RHOU: variants seen among roughly 807,000 people sequenced by gnomAD.
The protein encoded by RHOU is ras homolog family member U.
In RHOU, 8 loss-of-function variants were observed where a neutral mutation model predicts 12.6. The ratio of observed to expected loss-of-function variants is 0.64; its 90% CI spans 0.37 to 1.15. The LOEUF (loss-of-function observed/expected upper bound fraction) is 1.15. Ranked by LOEUF, RHOU falls within the 50% of genes most tolerant of loss-of-function variation. The pLI is 0.01. For synonymous variants in RHOU, 161 were observed against 147.4 expected (o/e 1.09, Z -0.67); for missense variants, 258 against 347.0 (o/e 0.74, Z 2.04).
In RHOU at chr1:228,746,031, T is replaced by G. The variant is rs946599158; in HGVS notation, c.*2291T>G. The stretch of plus-strand genomic sequence containing the variant: ...ACCTGTGTGGCCCAGTTCTGAAAGC[T>G]TTATACAGTTGAATTTTAAGTGGGG... On this transcript the variant is annotated 3_prime_UTR_variant, in exon 3 of 3. Coordinates refer to ENST00000366691, the MANE Select transcript of RHOU (RefSeq NM_021205.6). The G allele has an allele frequency of 2.0e-5, 3 of 152,244 alleles. No homozygotes were observed. Among genetic ancestry groups the G allele is most frequent in the Non-Finnish European group, 4.4e-5 (3 of 68,038 alleles). 9.4% of individuals were successfully genotyped at this position (152,244 alleles called of 1,614,324 possible). A position where few individuals can be genotyped will look rare whatever the true frequency, so the allele number is the denominator to read the frequency against.
chr1:228,706,520 T>C, the RHOU span, among the ~76,000 whole-genome samples: 7 of 152,218 alleles, frequency 4.6e-5, no homozygotes, highest in East Asian at 1.2e-3. Context: ...AACTCAGTGA[T>C]TGGTACAAGG....
the RHOU span, among the ~76,000 whole-genome samples, chr1:228,724,431 T>C: frequency 6.6e-6 from 1 of 152,222 alleles, no homozygotes; most frequent in African/African-American, 2.4e-5. Flanking sequence ...ACAATCATTA[T>C]TGTCAAGCTA....
chr1:228,731,942 G>A (rs1343829944), upstream of RHOU, among the ~76,000 whole-genome samples: 4 of 152,190 alleles, frequency 2.6e-5, no homozygotes, highest in Admixed American at 6.5e-5. Flanking sequence ...AATACATGAG[G>A]TGTAATGCAT....
chr1:228,741,852 A>G (rs1364778116), intron 2 of RHOU, among the ~76,000 whole-genome samples: 1 of 152,216 alleles, frequency 6.6e-6, no homozygotes, highest in Non-Finnish European at 1.5e-5. Context: ...CTCACAAGTG[A>G]CATTCTGAAA....
At chr1:228,742,905 A>G (rs1004832321) in intron 2 of RHOU, among the ~76,000 whole-genome samples, 1 of 152,198 alleles carries the variant, frequency 6.6e-6, no homozygotes, top group Admixed American at 6.5e-5. Context: ...AAGAGTAGCT[A>G]AGTACCAAGA....
chr1:228,662,116 A>G, the RHOU span, among the ~76,000 whole-genome samples: 1 of 152,256 alleles, frequency 6.6e-6, no homozygotes, highest in African/African-American at 2.4e-5. Flanking sequence ...AATGCAAATC[A>G]AAACCACAAT....
At chr1:228,735,451 T>G, upstream of RHOU, 2 of 206,602 alleles carry the variant, frequency 9.7e-6, no homozygotes, top group Non-Finnish European at 1.9e-5. This position sits in a 1 kb window ranked among gnomAD's most constrained non-coding sequence, Gnocchi z 8.1. Context: ...CCCCCACGCG[T>G]CGTGTCGCCG....
Position 228,743,220 on chromosome 1 carries a change from A to T in RHOU, c.322-65A>T. 4 of 1,411,380 alleles carry T rather than the reference A, an allele frequency of 2.8e-6. No homozygotes were observed. Among genetic ancestry groups the T allele is most frequent in the Non-Finnish European group, 4.0e-6 (4 of 1,005,584 alleles). The allele number at this position is 1,411,380 out of a possible 1,614,324, so 87.4% of individuals were successfully genotyped here. On this transcript the variant is annotated intron_variant, in intron 2 of 2. Coordinates refer to ENST00000366691, the MANE Select transcript of RHOU (RefSeq NM_021205.6). This position sits in a 1 kb window ranked among gnomAD's most constrained non-coding sequence, Gnocchi z 5.1. ...CCAGACCCTTTCATGAAAAATGTGA[A>T]GGTGATCTTTTTACTGATGAGAATT...
chr1:228,660,948 A>G, the RHOU span, among the ~76,000 whole-genome samples: 1 of 151,856 alleles, frequency 6.6e-6, no homozygotes, highest in East Asian at 1.9e-4. Flanking sequence ...AAAAAAAAAA[A>G]AAAAATCTCC....
At chr1:228,647,845 G>A in the RHOU span, 3 of 152,318 alleles carry the variant, frequency 2.0e-5, no homozygotes, top group Admixed American at 1.3e-4. Flanking sequence ...AGAGGGAGCA[G>A]ATTTACGGTG....
At chr1:228,678,532 A>C in the RHOU span, among the ~76,000 whole-genome samples, 136 of 152,224 alleles carry the variant, frequency 8.9e-4, no homozygotes, top group Middle Eastern at 0.01. Context: ...CTTCCTTTGG[A>C]AGTAAAGCGG....
chr1:228,707,447 G>A, the RHOU span, among the ~76,000 whole-genome samples: 5 of 151,036 alleles, frequency 3.3e-5, no homozygotes, highest in South Asian at 2.1e-4. Flanking sequence ...CTCCCAGCAC[G>A]CAGCTGGAGA....
At chr1:228,657,532 G>T in the RHOU span, among the ~76,000 whole-genome samples, 1 of 152,006 alleles carries the variant, frequency 6.6e-6, no homozygotes, top group African/African-American at 2.4e-5. Context: ...AATATATGAC[G>T]CAAAACCTGA....
In RHOU at chr1:228,743,315, T is replaced by TACACC. The variant is rs767609283; in HGVS notation, c.354_358dup (p.Asn120ThrfsTer14). The TACACC allele has an allele frequency of 2.5e-6, 4 of 1,614,200 alleles. No individual in the cohort carries two copies. The highest frequency in any genetic ancestry group is 3.4e-6 in the Non-Finnish European group (4 of 1,180,006). Reference sequence around the variant, plus strand: ...ATTTGACAAGCTGAGGCCTCTCTGCTACACCAACACAGACATCTTCCTGCT... The same window carrying TACACC: ...ATTTGACAAGCTGAGGCCTCTCTGCTACACCACACCAACACAGACATCTTCCTGCT... On this transcript the variant is annotated frameshift_variant, in exon 3 of 3. Coordinates refer to ENST00000366691, the MANE Select transcript of RHOU (RefSeq NM_021205.6). LOFTEE classifies it high-confidence loss of function. The surrounding 1 kb of genome is among the most constrained non-coding windows in gnomAD (Gnocchi z 5.1).
At chr1:228,654,607 T>C in the RHOU span, among the ~76,000 whole-genome samples, 1 of 152,224 alleles carries the variant, frequency 6.6e-6, no homozygotes, top group Non-Finnish European at 1.5e-5. Flanking sequence ...CTTTTAATTT[T>C]TCCTTGTTTA....
At chr1:228,695,874 T>C in the RHOU span, among the ~76,000 whole-genome samples, 2 of 152,158 alleles carry the variant, frequency 1.3e-5, no homozygotes, top group African/African-American at 2.4e-5. Context: ...TCCCTGGAGA[T>C]TGGGGGATGG....
At chr1:228,726,390 G>T in the RHOU span, among the ~76,000 whole-genome samples, 14 of 152,274 alleles carry the variant, frequency 9.2e-5, no homozygotes, top group African/African-American at 2.9e-4. Context: ...CTAAGGCCGG[G>T]CGCAGTGGCT....
the RHOU span, chr1:228,650,896 A>G: frequency 7.9e-6 from 3 of 381,052 alleles, no homozygotes; most frequent in South Asian, 6.7e-5. Flanking sequence ...ACCCACCTAC[A>G]TACGAATGGA....
the RHOU span, among the ~76,000 whole-genome samples, chr1:228,667,832 A>G: frequency 6.6e-6 from 1 of 152,218 alleles, no homozygotes; most frequent in Non-Finnish European, 1.5e-5. Context: ...AATAAAAACC[A>G]TAATTGTGAT....
Sources: gnomAD v4.1 joint callset for allele counts (sites outside exome capture counted in the v4.1 genomes callset) on GRCh38, gnomAD v4.1.1 for gene constraint, Gnocchi (gnomAD v3.1) non-coding constraint, MANE v1.5 for transcripts, NCBI Gene and HGNC (gene_info 2026-07-23, HGNC 2026-07-21) for gene names.